Variants in STMN4 observed in about 807,000 individuals in gnomAD.
The protein encoded by STMN4 is stathmin-4.
A neutral mutation model predicts 29.1 loss-of-function variants in STMN4; 12 were observed. That is an observed-to-expected ratio of 0.41 (90% CI 0.26 to 0.67). The LOEUF (loss-of-function observed/expected upper bound fraction) is 0.67. Ranked by LOEUF, STMN4 falls within the 30% of genes least tolerant of loss-of-function variation. The pLI is 0.30. For missense variants in STMN4, 181 were observed against 262.8 expected (o/e 0.69, Z 2.15); for synonymous variants, 114 against 105.3 (o/e 1.08, Z -0.51).
chr8:27,240,579 T>G (rs1801441088), intron 5 of STMN4, among the ~76,000 whole-genome samples: 1 of 152,092 alleles, frequency 6.6e-6, no homozygotes, highest in African/African-American at 2.4e-5. Context: ...ACTGAAGGAA[T>G]TCATGATAGG....
chr8:27,240,406 A>ATCAT (rs746389625), intron 5 of STMN4, among the ~76,000 whole-genome samples: 2 of 152,010 alleles, frequency 1.3e-5, no homozygotes, highest in South Asian at 4.1e-4. Context: ...GCTCATTGCC[A>ATCAT]TCATTCATTC....
Position 27,241,538 on chromosome 8 carries a change from A to G in STMN4, c.190+139T>C. 7.1e-6 allele frequency: 8 copies of G among 1,120,958 alleles called. No individual in the cohort carries two copies. In the South Asian group the frequency reaches 1.2e-4, roughly 16 times the overall value. 69.4% of individuals were successfully genotyped at this position (1,120,958 alleles called of 1,614,324 possible). On this transcript the variant is annotated intron_variant, in intron 4 of 6. Transcript: ENST00000350889. ...GGCTGCTTTTGCCTTTGCTTCCCCCACCAGCCTCCTCTGACTGCTGAGCTG... is the reference window on the plus strand; with the variant it reads ...GGCTGCTTTTGCCTTTGCTTCCCCCGCCAGCCTCCTCTGACTGCTGAGCTG...
chr8:27,243,790 G>A lies in STMN4; in HGVS notation c.-67C>T, dbSNP rs976219668. On this transcript the variant is annotated 5_prime_UTR_variant, in exon 2 of 7. Transcript: ENST00000350889. ...AGTGGGTCTGTCACCAGCTTGGGACGCTGTCACCAACCTGAGAAAAGGGGA... is the reference window on the plus strand; with the variant it reads ...AGTGGGTCTGTCACCAGCTTGGGACACTGTCACCAACCTGAGAAAAGGGGA... The A allele has an allele frequency of 3.5e-5, 56 of 1,613,888 alleles. No homozygotes were observed. In the African/African-American group the frequency reaches 4.3e-4, roughly 12 times the overall value.
At chr8:27,239,083 G>A in intron 6 of STMN4, 2 of 952,696 alleles carry the variant, frequency 2.1e-6, no homozygotes, top group Non-Finnish European at 3.0e-6. Context: ...TCAGAGCACA[G>A]GGGCTGCCTC....
At chr8:27,243,078 A>G (rs1191000744) in intron 2 of STMN4, among the ~76,000 whole-genome samples, 1 of 151,892 alleles carries the variant, frequency 6.6e-6, no homozygotes, top group African/African-American at 2.4e-5. Context: ...TATCCCCGCC[A>G]CCCTCTAGTC....
intron 1 of STMN4, among the ~76,000 whole-genome samples, chr8:27,244,116 C>A (rs995773882): frequency 1.3e-5 from 2 of 152,194 alleles, no homozygotes; most frequent in East Asian, 3.9e-4. Flanking sequence ...CCCTCCATAG[C>A]TCAAGAACCT....
chr8:27,237,664 GT>G (rs1801348527), intron 6 of STMN4, among the ~76,000 whole-genome samples: 1 of 152,182 alleles, frequency 6.6e-6, no homozygotes, highest in African/African-American at 2.4e-5. Flanking sequence ...ATTTCACAGG[GT>G]AGTGCAGCCA....
intron 6 of STMN4, chr8:27,239,484 CCTGTGACTCACTGGGT>C (rs1801402427): frequency 4.4e-6 from 3 of 684,068 alleles, no homozygotes; most frequent in Non-Finnish European, 7.2e-6. Context: ...ATTGGAAAGA[CCTGTGACTCACTGGGT>C]CTGTGTCAAG....
intron 5 of STMN4, among the ~76,000 whole-genome samples, chr8:27,240,499 G>A (rs1801438517): frequency 1.3e-5 from 2 of 152,138 alleles, no homozygotes; most frequent in African/African-American, 2.4e-5. Flanking sequence ...GTCTCACAGA[G>A]GTAAGACATA....
At chr8:27,253,451 T>A (rs1320524671) in intron 1 of STMN4, among the ~76,000 whole-genome samples, 2 of 152,244 alleles carry the variant, frequency 1.3e-5, no homozygotes, top group Non-Finnish European at 2.9e-5. Context: ...TTTGTCAGAA[T>A]GATCTGGATT....
chr8:27,242,425 G>A lies in STMN4; in HGVS notation c.81C>T (p.Pro27=). 6.2e-7 allele frequency: 1 copy of A among 1,614,192 alleles called. No homozygotes were observed. The highest frequency in any genetic ancestry group is 8.5e-7 in the Non-Finnish European group (1 of 1,180,026). Residue 27 remains proline, a synonymous_variant, in exon 3 of 7, where the codon CCC becomes CCT. Transcript: ENST00000350889. ...CATATTTGTAGGACGACTTATTCAG[G>A]GGATCGGCCAGGAAGCAGGAGCAGA... ...SLFCSCFLAD[P]LNKSSYKYEG... is the part of the protein sequence containing the mutation.
intron 1 of STMN4, among the ~76,000 whole-genome samples, chr8:27,246,446 C>T (rs971657650): frequency 3.3e-5 from 5 of 152,142 alleles, no homozygotes; most frequent in Non-Finnish European, 7.4e-5. Flanking sequence ...AGAATGAAAT[C>T]GAGGCTCAGG....
At chr8:27,247,118 G>A (rs1801645552) in intron 1 of STMN4, among the ~76,000 whole-genome samples, 1 of 152,084 alleles carries the variant, frequency 6.6e-6, no homozygotes, top group Non-Finnish European at 1.5e-5. Context: ...AGCCCGGCAT[G>A]GTGGCGCATG....
chr8:27,252,091 G>A (rs1462366781), intron 1 of STMN4, among the ~76,000 whole-genome samples: 2 of 151,714 alleles, frequency 1.3e-5, no homozygotes, highest in Non-Finnish European at 2.9e-5. Flanking sequence ...ATAGTTTACT[G>A]AGAATGATGA....
At chr8:27,239,133 C>A in intron 6 of STMN4, 1 of 1,425,858 alleles carries the variant, frequency 7.0e-7, no homozygotes, top group East Asian at 2.5e-5. Context: ...ATTCAGACAC[C>A]TTGTGAAGAA....
intron 1 of STMN4, among the ~76,000 whole-genome samples, chr8:27,249,599 T>C (rs1992782): frequency 0.87 from 131,593 of 152,094 alleles, 59,239 homozygotes; most frequent in Non-Finnish European, 0.98. Context: ...TCCTTCTCTG[T>C]CCCCAAACAC....
rs1188058610 is a variant in STMN4 at position 27,235,899 on chromosome 8, CA to C, written c.*946del. ...ACTTCCCAGCCTCCAAAACTGTGAG[CA>C]ATCAATTTCTGTTATCAATTACTTA... On this transcript the variant is annotated 3_prime_UTR_variant, in exon 7 of 7. Coordinates refer to ENST00000350889, the MANE Select transcript of STMN4 (RefSeq NM_030795.4). 6.6e-6 allele frequency: 1 copy of C among 152,464 alleles called. No individual in the cohort carries two copies. The highest frequency in any genetic ancestry group is 2.4e-5 in the African/African-American group (1 of 41,438). 9.4% of individuals were successfully genotyped at this position (152,464 alleles called of 1,614,324 possible).
intron 1 of STMN4, among the ~76,000 whole-genome samples, chr8:27,251,278 G>A (rs1017453232): frequency 4.8e-5 from 5 of 104,244 alleles, no homozygotes; most frequent in Admixed American, 2.1e-4. Flanking sequence ...ATATATACAC[G>A]TATATACGTA....
intron 2 of STMN4, among the ~76,000 whole-genome samples, chr8:27,243,443 A>AC (rs932283226): frequency 2.0e-5 from 3 of 152,158 alleles, no homozygotes; most frequent in Non-Finnish European, 2.9e-5. Flanking sequence ...CTTAAAAAAA[A>AC]ACACACATAT....
Sources: gnomAD v4.1 joint callset for allele counts (sites outside exome capture counted in the v4.1 genomes callset) on GRCh38, gnomAD v4.1.1 for gene constraint, MANE v1.5 for transcripts, NCBI Gene and HGNC (gene_info 2026-07-23, HGNC 2026-07-21) for gene names.